Variants in PARP1 observed in about 807,000 individuals in gnomAD.
PARP1 encodes poly(ADP-ribose) polymerase 1, also known as poly [ADP-ribose] polymerase 1.
PARP1 carries 44 observed loss-of-function variants against 118.7 expected under a neutral mutation model. The observed-to-expected ratio is 0.37, with a 90% CI of 0.29 to 0.48. The LOEUF (loss-of-function observed/expected upper bound fraction) is 0.48, where lower values mean the gene tolerates loss of function less well. PARP1 is among the 20% of genes least tolerant of loss of function. The pLI, the probability that PARP1 is intolerant of heterozygous loss-of-function variation, is 0.99. For missense variants in PARP1, 1,100 were observed against 1,272.4 expected, an observed-to-expected ratio of 0.86 and a Z score of 2.06; for synonymous variants, 492 against 483.2, an observed-to-expected ratio of 1.02 and a Z score of -0.24.
chr1:226,365,792 A>C (rs201928132), intron 18 of PARP1, among the ~76,000 whole-genome samples, 162 bp downstream of exon 18: 3 of 21,562 alleles, frequency 1.4e-4, no homozygotes, highest in East Asian at 1.2e-3. Flanking sequence ...AAACAAACAA[A>C]CAAAAAAAAA....
Position 226,379,190 on chromosome 1 carries a change from G to A in PARP1, c.1697C>T (p.Thr566Ile), listed in dbSNP as rs1374142615. The part of the protein sequence containing the change: ...TLGLVDIVKG[T>I]NSYYKLQLLE... ...AAGCTGCAGCTTGTAGTAGGAGTTGGTTCCTTTAACGATGTCCACCAGGCC... is the reference window on the plus strand; with the variant it reads ...AAGCTGCAGCTTGTAGTAGGAGTTGATTCCTTTAACGATGTCCACCAGGCC... The change falls in exon 12 of 23, where the codon ACC becomes ATC. Residue 566 changes from threonine to isoleucine, a missense_variant. By Grantham distance (89) the Thr-to-Ile change is moderately conservative. Coordinates refer to ENST00000366794, the MANE Select transcript of PARP1 (RefSeq NM_001618.4). The A allele has an allele frequency of 1.2e-6, 2 of 1,614,112 alleles. No individual in the cohort carries two copies. The highest frequency in any genetic ancestry group is 2.7e-5 in the African/African-American group (2 of 74,942).
chr1:226,394,547 G>T (rs987317682), intron 2 of PARP1, among the ~76,000 whole-genome samples: 1 of 152,190 alleles, frequency 6.6e-6, no homozygotes, highest in Non-Finnish European at 1.5e-5. Flanking sequence ...TAACTGTACA[G>T]GTGCGTGGGA....
intron 21 of PARP1, 92 bp from the exon 22 acceptor site, chr1:226,362,175 G>T: frequency 1.4e-6 from 1 of 734,354 alleles, no homozygotes; most frequent in Non-Finnish European, 2.4e-6. Flanking sequence ...TTGGGTCCAT[G>T]TGGTCTTTCT....
intron 2 of PARP1, 37 bp downstream of exon 2, chr1:226,402,177 G>A: frequency 6.2e-7 from 1 of 1,614,138 alleles, no homozygotes. Flanking sequence ...CTTCAGGGTG[G>A]GGGCTGAATG....
intron 7 of PARP1, among the ~76,000 whole-genome samples, chr1:226,384,782 G>A (rs3219060): frequency 6.6e-6 from 1 of 152,044 alleles, no homozygotes; most frequent in African/African-American, 2.4e-5. Flanking sequence ...TGTAGGTGTA[G>A]AGCGAGTAAT....
rs149958872 is a variant in PARP1, at chr1:226,361,372, C to G, written c.*88G>C. 1.7e-4 allele frequency: 139 copies of G among 825,390 alleles called. No homozygotes were observed. In the African/African-American group the frequency reaches 2.1e-3, roughly 12 times the overall value. 51.1% of individuals were successfully genotyped at this position (825,390 alleles called of 1,614,324 possible). ...GTTTAGTACAGGTACTACCCATCAG[C>G]AACTTAGCGGCCAGGTGAGTTGGTG... is the stretch of plus-strand genomic sequence containing the variant. On this transcript the variant is annotated 3_prime_UTR_variant, in exon 23 of 23. Transcript: ENST00000366794.
chr1:226,375,247 T>C (rs886758783), intron 13 of PARP1, among the ~76,000 whole-genome samples: 1 of 152,246 alleles, frequency 6.6e-6, no homozygotes, highest in Non-Finnish European at 1.5e-5. Context: ...TACTCTGTTA[T>C]CTTCTGGGTG....
chr1:226,406,990 C>T (rs1366739395), intron 1 of PARP1, among the ~76,000 whole-genome samples: 1 of 152,056 alleles, frequency 6.6e-6, no homozygotes, highest in Middle Eastern at 3.2e-3. Context: ...CAGATGAGAA[C>T]CAGAATTATT....
In PARP1 at chr1:226,367,533, T is replaced by C. The variant is rs769670480; in HGVS notation, c.2353A>G (p.Ser785Gly). The part of the protein sequence containing the change: ...YSLLRGGSDD[S>G]SKDPIDVNYE... ...TTGACATCGATGGGATCCTTGCTGC[T>C]ATCATCAGACCCTCCCCTGAGCAGA... Residue 785 changes from serine to glycine, a missense_variant, in exon 17 of 23, where the codon AGC becomes GGC. Coordinates refer to ENST00000366794, the MANE Select transcript of PARP1 (RefSeq NM_001618.4). 1.9e-6 allele frequency: 3 copies of C among 1,614,162 alleles called. No individual in the cohort carries two copies. Among genetic ancestry groups the C allele is most frequent in the Non-Finnish European group, 2.5e-6 (3 of 1,180,014 alleles).
At chr1:226,399,594 A>C (rs1026819620) in intron 2 of PARP1, among the ~76,000 whole-genome samples, 1 of 152,230 alleles carries the variant, frequency 6.6e-6, no homozygotes, top group Non-Finnish European at 1.5e-5. Context: ...ATAAAGGTAC[A>C]TGCATGTCAA....
rs1664653473 is a variant in PARP1 at position 226,383,147 on chromosome 1, C to T, written c.1048G>A (p.Val350Ile). 1 of 1,613,000 alleles carries T rather than the reference C, an allele frequency of 6.2e-7. No individual in the cohort carries two copies. Among genetic ancestry groups the T allele is most frequent in the Non-Finnish European group, 8.5e-7 (1 of 1,179,492 alleles). The change falls in exon 8 of 23, where the codon GTT becomes ATT. Residue 350 changes from valine (V) to isoleucine (I), a missense_variant. By Grantham distance (29) the Val-to-Ile change is conservative. This residue lies in a region of PARP1 where 948 missense variants were observed against 1,031.8 expected (regional missense o/e 0.92). Coordinates refer to ENST00000366794, the MANE Select transcript of PARP1 (RefSeq NM_001618.4). ...REISYLKKLK[V>I]KKQDRIFPPE... Reference sequence around the variant, plus strand: ...GGGAATATACGGTCCTGTTTTTTAACCTTCAATTTCTTGAGGTAAGAGATT... The same window carrying T: ...GGGAATATACGGTCCTGTTTTTTAATCTTCAATTTCTTGAGGTAAGAGATT...
rs3219052 is a variant in PARP1 at position 226,386,886 on chromosome 1, TTCAG to T, written c.718-448_718-445del. 6.6e-3 allele frequency among the ~76,000 whole-genome samples: 999 copies of T among 152,332 alleles called. 12 individuals are homozygous for T. Among genetic ancestry groups the T allele is most frequent in the African/African-American group, 0.023 (948 of 41,570 alleles). On this transcript the variant is annotated intron_variant, in intron 5 of 22. Coordinates refer to ENST00000366794, the MANE Select transcript of PARP1 (RefSeq NM_001618.4). ...CCAATTTCCTTGATGGTATATTATA[TTCAG>T]TATCATGCAGGAATGTATTTAAGCT...
intron 22 of PARP1, 172 bp downstream of exon 22, chr1:226,361,797 G>A (rs2271347): frequency 0.2 from 134,524 of 683,664 alleles, 15,147 homozygotes; most frequent in Middle Eastern, 0.3. Context: ...CTCATACCCT[G>A]TAAGCCAGGC....
At chr1:226,361,938 G>C (rs758650563) in intron 22 of PARP1, 31 bp downstream of exon 22, 1 of 1,296,588 alleles carries the variant, frequency 7.7e-7, no homozygotes, top group Non-Finnish European at 1.1e-6. Flanking sequence ...ACATCCCTTT[G>C]TGCTCACACA....
At chr1:226,365,564 C>G (rs1248738514) in intron 18 of PARP1, among the ~76,000 whole-genome samples, 1 of 152,132 alleles carries the variant, frequency 6.6e-6, no homozygotes, top group Non-Finnish European at 1.5e-5. Context: ...GTCAGGAGTT[C>G]AAGACCAGCC....
At chr1:226,374,197 T>A (rs2102732118) in intron 14 of PARP1, 29 bp downstream of exon 14, 1 of 1,612,314 alleles carries the variant, frequency 6.2e-7, no homozygotes, top group Non-Finnish European at 8.5e-7. Context: ...CAGCAAATGC[T>A]CACAGATAAA....
At position 226,360,755 on chromosome 1, in the gene PARP1, T is replaced by C. The variant is rs573309470; in HGVS notation, c.*705A>G. 1.9e-4 allele frequency: 44 copies of C among 228,766 alleles called. No homozygotes were observed. The highest frequency in any genetic ancestry group is 9.1e-4 in the African/African-American group (41 of 45,210). 14.2% of individuals were successfully genotyped at this position (228,766 alleles called of 1,614,324 possible). ...AGCCCTTGGGTAAGTATATTTGTGGTAGAGTTTTAATTTGGAAGACAAAAG... is the reference window on the plus strand; with the variant it reads ...AGCCCTTGGGTAAGTATATTTGTGGCAGAGTTTTAATTTGGAAGACAAAAG... On this transcript the variant is annotated 3_prime_UTR_variant, in exon 23 of 23. Transcript: ENST00000366794.
chr1:226,377,382 ACATTCACGTGGG>A, intron 12 of PARP1, 79 bp from the exon 13 acceptor site: 1 of 1,083,994 alleles, frequency 9.2e-7, no homozygotes, highest in South Asian at 1.2e-5. Flanking sequence ...TCCTGCCATT[ACATTCACGTGGG>A]GAAGAATTTT....
intron 2 of PARP1, among the ~76,000 whole-genome samples, chr1:226,394,784 G>GA (rs1664885256): frequency 6.6e-6 from 1 of 151,802 alleles, no homozygotes. Flanking sequence ...TGAAAAAAAA[G>GA]AAAAAAAGAC....
Sources: allele counts gnomAD v4.1 joint callset (sites outside exome capture counted in the v4.1 genomes callset), GRCh38; gene constraint gnomAD v4.1.1; regional missense constraint gnomAD v4.1.1; transcripts MANE v1.5; gene names NCBI Gene and HGNC (gene_info 2026-07-23, HGNC 2026-07-21).